Variants in WNK2 observed in about 807,000 individuals in gnomAD.
WNK2 encodes serine/threonine-protein kinase WNK2.
Under a neutral mutation model 192.1 loss-of-function variants are expected in WNK2, and 67 were observed. The observed-to-expected ratio is 0.35, with a 90% CI of 0.29 to 0.43. The LOEUF (loss-of-function observed/expected upper bound fraction) is 0.43. Among genes scored for constraint, WNK2 ranks in the 20% least tolerant of loss-of-function variants. The probability of loss-of-function intolerance (pLI) is 1.00; values close to 1 mark genes in which losing one functional copy is unlikely to be tolerated. For synonymous variants in WNK2, 1,439 were observed against 1,393.9 expected, an observed-to-expected ratio of 1.03 and a Z score of -0.72; for missense variants, 2,698 against 3,089.7, an observed-to-expected ratio of 0.87 and a Z score of 3.01.
rs776400207 is a variant in WNK2 at position 93,257,163 on chromosome 9, G to T, written c.2382+24G>T. On this transcript the variant is annotated intron_variant, in intron 11 of 29. Transcript: ENST00000427277. The surrounding 1 kb of genome is among the most constrained non-coding windows in gnomAD (Gnocchi z 4.7). ...AGGTAATTCTAGGTTGATGGCTGCC[G>T]TCAGTGGTGGCGCACGCTTTGCCAG... The T allele has an allele frequency of 6.3e-7, 1 of 1,594,226 alleles. No individual in the cohort carries two copies. The highest frequency in any genetic ancestry group is 1.4e-5 in the African/African-American group (1 of 73,858).
rs915584034 is a variant in WNK2, at chr9:93,184,956, C to T, written c.27C>T (p.Asp9=). The change falls in exon 2 of 30, where the codon GAC becomes GAT. Residue 9 remains aspartate, a synonymous_variant. Transcript: ENST00000427277. MDGDGGRR[D]VPGTLMEPGR... is the part of the protein sequence containing the mutation. ...TGGACGGCGATGGCGGCCGCCGAGA[C>T]GTCCCCGGCACGCTGATGGAGCCCG... The T allele has an allele frequency of 7.5e-5, 92 of 1,230,958 alleles. No individual in the cohort carries two copies. Among genetic ancestry groups the T allele is most frequent in the South Asian group, 1.1e-4 (3 of 26,170 alleles). 76.3% of individuals were successfully genotyped at this position (1,230,958 alleles called of 1,614,324 possible).
intron 2 of WNK2, among the ~76,000 whole-genome samples, chr9:93,212,973 G>T (rs1270367914): frequency 1.3e-5 from 2 of 152,200 alleles, no homozygotes; most frequent in Non-Finnish European, 2.9e-5. Context: ...AGGTGGAGAA[G>T]TCCCCGTGGG....
rs551289718 is a variant in WNK2, at chr9:93,214,692, G to A, written c.682-15004G>A. Among the ~76,000 whole-genome samples the A allele has an allele frequency of 2.4e-4, 19 of 77,820 alleles. 1 individual carries two copies. In the South Asian group the frequency reaches 0.013, roughly 55 times the overall value. 51.1% of individuals were successfully genotyped at this position (77,820 alleles called of 152,430 possible). On this transcript the variant is annotated intron_variant, in intron 2 of 29. Coordinates refer to ENST00000427277, the MANE Select transcript of WNK2 (RefSeq NM_006648.4). ...CAGTCTACTTGCTGCCCCTTTGAAGGTAGTGCCCCCCCCCCCCCCGCCCTC... is the reference window on the plus strand; with the variant it reads ...CAGTCTACTTGCTGCCCCTTTGAAGATAGTGCCCCCCCCCCCCCCGCCCTC...
chr9:93,214,697 G>GGGC, intron 2 of WNK2, among the ~76,000 whole-genome samples: 1 of 80,280 alleles, frequency 1.2e-5, no homozygotes, highest in Admixed American at 1.6e-4. Flanking sequence ...TGAAGGTAGT[G>GGGC]CCCCCCCCCC....
In WNK2 at chr9:93,256,403, C is replaced by T. The variant is rs769461097; in HGVS notation, c.2139C>T (p.Pro713=). The T allele has an allele frequency of 1.2e-5, 18 of 1,548,048 alleles. No individual in the cohort carries two copies. The highest frequency in any genetic ancestry group is 1.8e-4 in the Middle Eastern group (1 of 5,632). ...GCTTCGCCCCCGTGCTGCCGCCGCC[C>T]AGCACCCCCATGCCCACGGGCCCAG... is the stretch of plus-strand genomic sequence containing the variant. The part of the protein sequence containing the change: ...AMSFAPVLPP[P]STPMPTGPGQ... The change falls in exon 10 of 30, where the codon CCC becomes CCT. Residue 713 remains proline (P), a synonymous_variant. Coordinates refer to ENST00000427277, the MANE Select transcript of WNK2 (RefSeq NM_006648.4).
chr9:93,202,872 C>T (rs1832724670), intron 2 of WNK2, among the ~76,000 whole-genome samples: 1 of 152,102 alleles, frequency 6.6e-6, no homozygotes, highest in African/African-American at 2.4e-5. Flanking sequence ...AAGGGCTAGG[C>T]TGCCTTTGTG....
chr9:93,240,331 T>C (rs1219541865), intron 7 of WNK2, among the ~76,000 whole-genome samples: 1 of 152,246 alleles, frequency 6.6e-6, no homozygotes, highest in Admixed American at 6.5e-5. Context: ...TCTTGCTGAC[T>C]TTGTGTCAGT....
chr9:93,297,867 T>C lies in WNK2; in HGVS notation c.5723T>C (p.Ile1908Thr). The C allele has an allele frequency of 6.3e-7, 1 of 1,583,826 alleles. No individual in the cohort carries two copies. Among genetic ancestry groups the C allele is most frequent in the Non-Finnish European group, 8.6e-7 (1 of 1,166,366 alleles). Residue 1908 changes from isoleucine to threonine, a missense_variant, in exon 24 of 30, where the codon ATC (isoleucine) becomes ACC (threonine). Around this residue, in one of 7 missense-constraint regions of WNK2, gnomAD observed 1,098 missense variants for 1,101.0 expected, o/e 1.00. Transcript: ENST00000427277. ...QSLREKHLKE[I>T]SELQSQQKQE... ...CCCTCCTGCAGGCACCTGAAGGAGA[T>C]CTCGGAGCTGCAGAGCCAGCAGAAG...
At chr9:93,312,888 T>C (rs1318926718) in intron 28 of WNK2, among the ~76,000 whole-genome samples, 1 of 152,228 alleles carries the variant, frequency 6.6e-6, no homozygotes, top group Non-Finnish European at 1.5e-5. Flanking sequence ...CTCTGTCCAC[T>C]CTGCCACTTT....
Position 93,289,185 on chromosome 9 carries a change from T to A in WNK2, c.4431T>A (p.Pro1477=). ...GTGCCCCAAGGGAGCCCCTGCCACC[T>A]CCTGCACCTGAGCCCAGCCCCCACA... ...DASAPREPLP[P]PAPEPSPHSG... The change falls in exon 20 of 30, where the codon CCT becomes CCA. Residue 1477 remains proline, a synonymous_variant. Transcript: ENST00000427277. 6.2e-7 allele frequency: 1 copy of A among 1,601,512 alleles called. No homozygotes were observed. Among genetic ancestry groups the A allele is most frequent in the East Asian group, 2.2e-5 (1 of 44,654 alleles).
In WNK2 at chr9:93,185,435, G is replaced by T. The variant is rs372409011; in HGVS notation, c.506G>T (p.Arg169Leu). 10 of 1,611,730 alleles carry T rather than the reference G, an allele frequency of 6.2e-6. No individual in the cohort carries two copies. Among genetic ancestry groups the T allele is most frequent in the South Asian group, 5.5e-5 (5 of 90,968 alleles). ...GCGAAGCCTGAGCCCGGGCGCACTCGCCGGGACGAGCCCGAAGAGGAGGAG... is the reference window on the plus strand; with the variant it reads ...GCGAAGCCTGAGCCCGGGCGCACTCTCCGGGACGAGCCCGAAGAGGAGGAG... ...AEAKPEPGRTRRDEPEEEEDD... is the reference protein window; with the variant it reads ...AEAKPEPGRTLRDEPEEEEDD... Residue 169 changes from arginine (R) to leucine (L), a missense_variant, in exon 2 of 30, where the codon CGC becomes CTC. Physicochemically the swap from Arg to Leu is moderately radical, Grantham distance 102. This residue lies in a region of WNK2 where 260 missense variants were observed against 285.6 expected (regional missense o/e 0.91). Coordinates refer to ENST00000427277, the MANE Select transcript of WNK2 (RefSeq NM_006648.4).
intron 4 of WNK2, among the ~76,000 whole-genome samples, chr9:93,234,315 T>C (rs952227306): frequency 6.6e-6 from 1 of 152,198 alleles, no homozygotes; most frequent in African/African-American, 2.4e-5. Flanking sequence ...GTGACACTTG[T>C]AGGGGTGGGC....
In WNK2 at chr9:93,292,721, C is replaced by CACTCAGGACGAGTGG; in HGVS notation, c.5259_5273dup (p.Gln1754_Thr1758dup). On this transcript the variant is annotated inframe_insertion, in exon 23 of 30. Coordinates refer to ENST00000427277, the MANE Select transcript of WNK2 (RefSeq NM_006648.4). ...CTGTGGGCCGTTTCTCGGTGGTCAG[C>CACTCAGGACGAGTGG]ACTCAGGACGAGTGGACCCTGGCCT... The CACTCAGGACGAGTGG allele has an allele frequency of 6.4e-7, 1 of 1,557,070 alleles. No individual in the cohort carries two copies. Among genetic ancestry groups the CACTCAGGACGAGTGG allele is most frequent in the Non-Finnish European group, 8.7e-7 (1 of 1,152,090 alleles).
intron 2 of WNK2, 81 bp downstream of exon 2, chr9:93,185,691 C>T (rs1564249422): frequency 5.3e-6 from 8 of 1,508,712 alleles, no homozygotes; most frequent in Non-Finnish European, 6.3e-6. Flanking sequence ...TGCTCCTGCG[C>T]CTGGCCTTAA....
At chr9:93,304,695 G>A (rs2134180610) in intron 26 of WNK2, among the ~76,000 whole-genome samples, 1 of 152,374 alleles carries the variant, frequency 6.6e-6, no homozygotes, top group East Asian at 1.9e-4. Context: ...GTGAGGGGCA[G>A]GGCCCAATCG....
intron 16 of WNK2, 38 bp downstream of exon 16, chr9:93,264,071 C>A: frequency 6.7e-7 from 1 of 1,498,792 alleles, no homozygotes. Flanking sequence ...CCCGGTGTTT[C>A]TTGGACACGT....
At chr9:93,307,934 G>A (rs1371958643) in intron 27 of WNK2, 6 of 222,668 alleles carry the variant, frequency 2.7e-5, no homozygotes, top group Admixed American at 5.2e-5. Context: ...GAGAGAGCCC[G>A]AGGAACCTGA....
At chr9:93,205,567 G>A (rs1336691690) in intron 2 of WNK2, among the ~76,000 whole-genome samples, 5 of 151,900 alleles carry the variant, frequency 3.3e-5, no homozygotes, top group East Asian at 3.9e-4. Context: ...GGCCCGCCCC[G>A]CGGCCGGCTG....
At chr9:93,248,244 G>A (rs1368477941) in intron 8 of WNK2, among the ~76,000 whole-genome samples, 1 of 152,270 alleles carries the variant, frequency 6.6e-6, no homozygotes, top group Non-Finnish European at 1.5e-5. Context: ...GCAGGGTGTG[G>A]ACCCTAGGTA....
Sources: gnomAD v4.1 joint callset for allele counts (sites outside exome capture counted in the v4.1 genomes callset) on GRCh38, gnomAD v4.1.1 for gene constraint, gnomAD v4.1.1 regional missense constraint, Gnocchi (gnomAD v3.1) non-coding constraint, MANE v1.5 for transcripts, NCBI Gene and HGNC (gene_info 2026-07-23, HGNC 2026-07-21) for gene names.